Variants in CLEC17A observed in about 807,000 individuals in gnomAD.
CLEC17A encodes the protein C-type lectin domain containing 17A.
CLEC17A carries 37 observed loss-of-function variants against 61.3 expected under a neutral mutation model. That is an observed-to-expected ratio of 0.60 (90% CI 0.46 to 0.79). The LOEUF is 0.79. CLEC17A is among the 30% of genes least tolerant of loss of function. The probability of loss-of-function intolerance (pLI) is 0.00; values close to 1 mark genes in which losing one functional copy is unlikely to be tolerated. For missense variants in CLEC17A, 418 were observed against 464.7 expected (o/e 0.90, Z 0.92); for synonymous variants, 168 against 164.9 (o/e 1.02, Z -0.14).
At chr19:14,589,033 C>T (rs905124465) in intron 3 of CLEC17A, among the ~76,000 whole-genome samples, 2 of 151,494 alleles carry the variant, frequency 1.3e-5, no homozygotes, top group African/African-American at 4.9e-5. Context: ...CACGTCTGCT[C>T]CAAAAGCACA....
chr19:14,587,034 A>G (rs9305042), intron 2 of CLEC17A, among the ~76,000 whole-genome samples: 35,565 of 151,114 alleles, frequency 0.24, 7,771 homozygotes, highest in African/African-American at 0.58. Flanking sequence ...GATTACAGGC[A>G]GGCACCACCA....
At chr19:14,593,928 C>T (rs2074482544) in intron 4 of CLEC17A, among the ~76,000 whole-genome samples, 1 of 151,866 alleles carries the variant, frequency 6.6e-6, no homozygotes, top group Admixed American at 6.6e-5. Flanking sequence ...CGCCACTGAA[C>T]TCCAGCCTGG....
intron 3 of CLEC17A, among the ~76,000 whole-genome samples, chr19:14,590,245 T>C (rs1347701463): frequency 6.6e-6 from 1 of 151,898 alleles, no homozygotes; most frequent in Non-Finnish European, 1.5e-5. Context: ...TTGTTACAAA[T>C]GTTACCACTT....
chr19:14,606,476 T>C (rs569375263), intron 12 of CLEC17A, among the ~76,000 whole-genome samples: 16 of 151,948 alleles, frequency 1.1e-4, no homozygotes, highest in African/African-American at 2.9e-4. Context: ...GTCAGAAGTT[T>C]GAGATCAGGC....
At chr19:14,592,135 C>T in intron 3 of CLEC17A, 146 bp from the exon 4 acceptor site, 1 of 1,279,826 alleles carries the variant, frequency 7.8e-7, no homozygotes, top group Non-Finnish European at 1.1e-6. Flanking sequence ...CAGGTAAGGC[C>T]CTGGCCAGGC....
chr19:14,594,781 C>T lies in CLEC17A; in HGVS notation c.384C>T (p.Thr128=), dbSNP rs773427024. The T allele has an allele frequency of 1.2e-6, 2 of 1,613,868 alleles. No individual in the cohort carries two copies. The highest frequency in any genetic ancestry group is 2.2e-5 in the South Asian group (2 of 91,060). The change falls in exon 7 of 14, where the codon ACC becomes ACT. Residue 128 remains threonine (T), a synonymous_variant. Transcript: ENST00000417570. ...NMTGLDLAAV[T]CPPPQLAVNL... Reference sequence around the variant, plus strand: ...TAGGCCTGGACCTCGCCGCTGTCACCTGTCCACCTCCTCAACTGGGTGAGC... The same window carrying T: ...TAGGCCTGGACCTCGCCGCTGTCACTTGTCCACCTCCTCAACTGGGTGAGC...
chr19:14,594,823 A>C, intron 7 of CLEC17A, 23 bp downstream of exon 7: 1 of 1,605,182 alleles, frequency 6.2e-7, no homozygotes, highest in Non-Finnish European at 8.5e-7. Flanking sequence ...AAGACCCTTT[A>C]AGATGCCTAA....
At chr19:14,583,077 A>T, upstream of CLEC17A, 1 of 1,461,336 alleles carries the variant, frequency 6.8e-7, no homozygotes, top group Non-Finnish European at 9.5e-7. Flanking sequence ...GAACTGAGAG[A>T]GCCCCCAGAC....
intron 10 of CLEC17A, 63 bp downstream of exon 10, chr19:14,597,224 C>A: frequency 2.1e-6 from 3 of 1,451,730 alleles, no homozygotes; most frequent in South Asian, 1.2e-5. Context: ...TCCTCAGATC[C>A]AACTCCAAGA....
At chr19:14,600,955 T>A (rs1245314856) in intron 12 of CLEC17A, among the ~76,000 whole-genome samples, 2 of 126,992 alleles carry the variant, frequency 1.6e-5, no homozygotes, top group Non-Finnish European at 1.6e-5. Flanking sequence ...CAGGCTGGAG[T>A]GCAGTGGTGC....
At chr19:14,593,785 C>T (rs1251761731) in intron 4 of CLEC17A, among the ~76,000 whole-genome samples, 2 of 150,440 alleles carry the variant, frequency 1.3e-5, no homozygotes, top group African/African-American at 4.9e-5. Context: ...ACGGTGAAAC[C>T]CCGTCTCTAT....
chr19:14,594,883 A>AT (rs1000436052), intron 7 of CLEC17A, 83 bp downstream of exon 7: 45 of 1,339,906 alleles, frequency 3.4e-5, no homozygotes, highest in Non-Finnish European at 4.2e-5. Context: ...TTATTTATTT[A>AT]TTTTTTTTGA....
intron 2 of CLEC17A, among the ~76,000 whole-genome samples, chr19:14,586,315 G>C (rs1236105148): frequency 6.6e-6 from 1 of 151,886 alleles, no homozygotes. Flanking sequence ...GAAAAGATGG[G>C]GTTTCTCCAT....
At chr19:14,601,999 A>G (rs1340903936) in intron 12 of CLEC17A, among the ~76,000 whole-genome samples, 1 of 151,836 alleles carries the variant, frequency 6.6e-6, no homozygotes, top group African/African-American at 2.4e-5. Flanking sequence ...TCACTGTGTT[A>G]GCCAGGATGG....
chr19:14,586,887 CTTTCTTT>C (rs2074293714), intron 2 of CLEC17A, among the ~76,000 whole-genome samples: 1 of 139,228 alleles, frequency 7.2e-6, no homozygotes, highest in Non-Finnish European at 1.5e-5. Flanking sequence ...TTCTTTCTTT[CTTTCTTT>C]TTTTTTTTTT....
Position 14,611,664 on chromosome 19 carries a change from G to A in CLEC17A, c.*1468G>A, listed in dbSNP as rs1002324821. On this transcript the variant is annotated 3_prime_UTR_variant, in exon 14 of 14. Transcript: ENST00000417570. Reference sequence around the variant, plus strand: ...CAACGATGGACCTATCTGCCAGCACGTGCCCTTGAGCTATCTGTGGGTTGT... The same window carrying A: ...CAACGATGGACCTATCTGCCAGCACATGCCCTTGAGCTATCTGTGGGTTGT... Among the ~76,000 whole-genome samples, 1 of 152,090 alleles carries A rather than the reference G, an allele frequency of 6.6e-6. No homozygotes were observed. The highest frequency in any genetic ancestry group is 1.5e-5 in the Non-Finnish European group (1 of 68,020).
intron 4 of CLEC17A, among the ~76,000 whole-genome samples, chr19:14,593,073 T>G (rs2074459566): frequency 6.6e-6 from 1 of 152,138 alleles, no homozygotes; most frequent in Non-Finnish European, 1.5e-5. Context: ...TGTGGGCTCC[T>G]CAATCTCCTC....
At chr19:14,603,675 A>G (rs953269643) in intron 12 of CLEC17A, among the ~76,000 whole-genome samples, 6 of 151,888 alleles carry the variant, frequency 4.0e-5, no homozygotes, top group African/African-American at 1.5e-4. Flanking sequence ...CATGTTGGCC[A>G]GGCTGCTCTC....
At chr19:14,593,539 G>T (rs984192955) in intron 4 of CLEC17A, among the ~76,000 whole-genome samples, 4 of 151,906 alleles carry the variant, frequency 2.6e-5, no homozygotes, top group East Asian at 3.9e-4. Context: ...ATGTGTGCCT[G>T]TTGTCCCAGC....
Sources: allele counts gnomAD v4.1 joint callset (sites outside exome capture counted in the v4.1 genomes callset), GRCh38; gene constraint gnomAD v4.1.1; transcripts MANE v1.5; gene names NCBI Gene and HGNC (gene_info 2026-07-23, HGNC 2026-07-21).